Variants in RBFOX1 observed in about 807,000 individuals in gnomAD.
RBFOX1 encodes RNA binding fox-1 homolog 1, also known as RNA binding protein fox-1 homolog 1.
Under a neutral mutation model 57.7 loss-of-function variants are expected in RBFOX1, and 8 were observed. The ratio of observed to expected loss-of-function variants is 0.14; its 90% CI spans 0.08 to 0.25. The LOEUF (loss-of-function observed/expected upper bound fraction) is 0.25. Among genes scored for constraint, RBFOX1 ranks in the 10% least tolerant of loss-of-function variants. RBFOX1 has a pLI of 1.00. For missense variants in RBFOX1, 611 were observed against 548.5 expected, an observed-to-expected ratio of 1.11 and a Z score of -1.14; for synonymous variants, 326 against 222.4, an observed-to-expected ratio of 1.47 and a Z score of -4.15.
chr16:5,653,982 C>G (rs1298569489), intron 3 of RBFOX1, among the ~76,000 whole-genome samples: 1 of 152,208 alleles, frequency 6.6e-6, no homozygotes, highest in Non-Finnish European at 1.5e-5. Flanking sequence ...GTCGGCCACT[C>G]ACGCAGCAGG....
At chr16:7,219,214 G>A (rs991530952) in intron 4 of RBFOX1, among the ~76,000 whole-genome samples, 1 of 152,178 alleles carries the variant, frequency 6.6e-6, no homozygotes, top group African/African-American at 2.4e-5. Flanking sequence ...GAAGAGGCAG[G>A]CAGCATGCTC....
chr16:6,974,956 T>C (rs1404069195), intron 3 of RBFOX1, among the ~76,000 whole-genome samples: 4 of 152,198 alleles, frequency 2.6e-5, no homozygotes, highest in African/African-American at 9.7e-5. Flanking sequence ...AGGATTGTTC[T>C]AAAAGAATCT....
At chr16:7,219,798 T>C (rs567607635) in intron 4 of RBFOX1, among the ~76,000 whole-genome samples, 13 of 152,208 alleles carry the variant, frequency 8.5e-5, no homozygotes, top group Non-Finnish European at 1.9e-4. Context: ...GTTCTCTATG[T>C]TTGTGATATG....
intron 7 of RBFOX1, among the ~76,000 whole-genome samples, chr16:7,592,739 T>A (rs1025649269): frequency 6.6e-6 from 1 of 152,230 alleles, no homozygotes; most frequent in East Asian, 1.9e-4. Flanking sequence ...TACCTCTACA[T>A]GTAAGCTCCA....
At chr16:7,212,279 G>T (rs2091286828) in intron 4 of RBFOX1, among the ~76,000 whole-genome samples, 2 of 152,134 alleles carry the variant, frequency 1.3e-5, no homozygotes, top group South Asian at 2.1e-4. Context: ...AGCTGCCTTT[G>T]TGTACAGTCC....
chr16:6,139,200 G>C (rs1489080932), intron 1 of RBFOX1, among the ~76,000 whole-genome samples: 1 of 152,110 alleles, frequency 6.6e-6, no homozygotes, highest in African/African-American at 2.4e-5. Flanking sequence ...CTGAATCCAA[G>C]GACATCCCCT....
At chr16:6,157,265 C>T (rs566262867) in intron 1 of RBFOX1, among the ~76,000 whole-genome samples, 2 of 152,190 alleles carry the variant, frequency 1.3e-5, no homozygotes, top group East Asian at 3.9e-4. Context: ...TCAGTGTACA[C>T]AGCAAACAGG....
chr16:5,753,345 C>CT (rs1346638753), intron 3 of RBFOX1, among the ~76,000 whole-genome samples: 2 of 152,088 alleles, frequency 1.3e-5, no homozygotes, highest in African/African-American at 4.8e-5. Flanking sequence ...GAATTTTACA[C>CT]TATGTGCCCT....
At chr16:6,298,730 G>C (rs1401679667) in intron 1 of RBFOX1, among the ~76,000 whole-genome samples, 3 of 152,210 alleles carry the variant, frequency 2.0e-5, no homozygotes, top group Non-Finnish European at 4.4e-5. Context: ...GCCATCTCAA[G>C]AGACTGTTTT....
chr16:5,552,086 G>C (rs189722327), intron 2 of RBFOX1, among the ~76,000 whole-genome samples: 1 of 152,098 alleles, frequency 6.6e-6, no homozygotes, highest in Non-Finnish European at 1.5e-5. Context: ...AGACTGTGTC[G>C]TGTTACCGTG....
intron 4 of RBFOX1, among the ~76,000 whole-genome samples, chr16:7,100,280 T>C (rs1476263505): frequency 6.6e-6 from 1 of 152,158 alleles, no homozygotes; most frequent in Non-Finnish European, 1.5e-5. Context: ...AAATTTCTCT[T>C]TTTAAAAAGA....
intron 11 of RBFOX1, among the ~76,000 whole-genome samples, chr16:7,645,604 G>C (rs2063594970): frequency 6.6e-6 from 1 of 152,238 alleles, no homozygotes; most frequent in Admixed American, 6.5e-5. Context: ...TCAGTGTTGA[G>C]ATTAAACCAA....
intron 3 of RBFOX1, among the ~76,000 whole-genome samples, chr16:6,918,022 C>T (rs970049120): frequency 5.3e-5 from 8 of 152,158 alleles, no homozygotes; most frequent in Admixed American, 4.6e-4. Context: ...TACATTAGCT[C>T]ACGCCTGTAA....
At chr16:5,856,575 G>GTGCATATATA (rs1192496608) in intron 3 of RBFOX1, among the ~76,000 whole-genome samples, 5 of 32,920 alleles carry the variant, frequency 1.5e-4, no homozygotes, top group Non-Finnish European at 2.3e-4. Context: ...GTGTGTGTGT[G>GTGCATATATA]TATATATATA....
intron 3 of RBFOX1, among the ~76,000 whole-genome samples, chr16:6,789,486 G>A (rs2082536082): frequency 2.6e-5 from 4 of 152,122 alleles, no homozygotes; most frequent in Admixed American, 2.6e-4. Flanking sequence ...TTAGAGAGAA[G>A]CAGTCATTTC....
intron 1 of RBFOX1, among the ~76,000 whole-genome samples, chr16:6,051,676 G>A (rs1404476160): frequency 1.3e-5 from 2 of 152,100 alleles, no homozygotes; most frequent in East Asian, 3.9e-4. Context: ...CAATGTTCCT[G>A]CCTCAGCCTC....
intron 3 of RBFOX1, among the ~76,000 whole-genome samples, chr16:6,784,494 C>T (rs1403629192): frequency 6.6e-6 from 1 of 152,062 alleles, no homozygotes; most frequent in East Asian, 1.9e-4. Context: ...CTAGATTTAT[C>T]TGATAGAATT....
chr16:5,735,299 C>T (rs1450672463), intron 3 of RBFOX1, among the ~76,000 whole-genome samples: 1 of 152,194 alleles, frequency 6.6e-6, no homozygotes, highest in Non-Finnish European at 1.5e-5. Context: ...ATTACTCAAA[C>T]CCAGACAGTG....
intron 3 of RBFOX1, among the ~76,000 whole-genome samples, chr16:6,991,361 C>T (rs2091420207): frequency 6.6e-6 from 1 of 152,070 alleles, no homozygotes; most frequent in African/African-American, 2.4e-5. Context: ...TATGTACAGG[C>T]CCTGGACAGG....
Sources: gnomAD v4.1 joint callset for allele counts (sites outside exome capture counted in the v4.1 genomes callset) on GRCh38, gnomAD v4.1.1 for gene constraint, MANE v1.5 for transcripts, NCBI Gene and HGNC (gene_info 2026-07-23, HGNC 2026-07-21) for gene names.